CD99L2: variants seen among roughly 807,000 people sequenced by gnomAD.
CD99L2 encodes the protein CD99 molecule like 2.
A neutral mutation model predicts 27.3 loss-of-function variants in CD99L2; 24 were observed. The observed-to-expected ratio is 0.88, with a 90% CI of 0.64 to 1.24. CD99L2 has a LOEUF of 1.24. Among genes scored for constraint, CD99L2 ranks in the 50% most tolerant of loss-of-function variants. The pLI is 0.00. For synonymous variants in CD99L2, 97 were observed against 87.9 expected, an observed-to-expected ratio of 1.10 and a Z score of -0.58; for missense variants, 255 against 221.6, an observed-to-expected ratio of 1.15 and a Z score of -0.96.
At chrX:150,824,457 AAAGAAGAAAGAAG>A (rs1262422431) in intron 2 of CD99L2, among the ~76,000 whole-genome samples, 10 of 96,052 alleles carry the variant, frequency 1.0e-4, no homozygotes, top group Non-Finnish European at 1.4e-4. Context: ...GAAGAAGAAG[AAAGAAGAAAGAAG>A]AAGAAGAAAG....
At chrX:150,889,508 G>A (rs112726156) in intron 1 of CD99L2, among the ~76,000 whole-genome samples, 1,245 of 111,155 alleles carry the variant, frequency 0.011, 28 homozygotes, top group African/African-American at 0.039. Flanking sequence ...AATGAGCCCC[G>A]GCTGTGCCTG....
At chrX:150,803,119 C>T (rs1180661732) in intron 4 of CD99L2, among the ~76,000 whole-genome samples, 1 of 108,987 alleles carries the variant, frequency 9.2e-6, no homozygotes, top group African/African-American at 3.3e-5. Context: ...TGGTCTCGAA[C>T]TCCTGACCTC....
intron 1 of CD99L2, among the ~76,000 whole-genome samples, chrX:150,873,251 T>C (rs1249546488): frequency 3.6e-5 from 4 of 112,087 alleles, no homozygotes; most frequent in Non-Finnish European, 7.5e-5. Context: ...GACGCATTGA[T>C]CCATGCTACA....
intron 4 of CD99L2, among the ~76,000 whole-genome samples, chrX:150,802,876 C>CGGCTAG (rs2045936631): frequency 1.2e-5 from 1 of 80,116 alleles, no homozygotes; most frequent in African/African-American, 4.9e-5. Flanking sequence ...CCACCGTGCC[C>CGGCTAG]AGCCTTTTTT....
At chrX:150,796,484 A>C (rs1557419913) in intron 4 of CD99L2, among the ~76,000 whole-genome samples, 4 of 112,650 alleles carry the variant, frequency 3.6e-5, no homozygotes, top group Non-Finnish European at 7.5e-5. Context: ...CTAACAATAG[A>C]GTGTCTAGAC....
chrX:150,806,146 GA>G (rs782387351), intron 4 of CD99L2, among the ~76,000 whole-genome samples: 1 of 112,466 alleles, frequency 8.9e-6, no homozygotes, highest in East Asian at 2.8e-4. Context: ...ACCACTGGGG[GA>G]AACTGGGTAT....
intron 10 of CD99L2, among the ~76,000 whole-genome samples, chrX:150,769,661 GTCCTA>G: frequency 9.3e-6 from 1 of 108,026 alleles, no homozygotes; most frequent in South Asian, 3.7e-4. Context: ...CGCCTGAGCT[GTCCTA>G]GTCTCCCTGC....
At chrX:150,792,876 T>A (rs373281322) in intron 7 of CD99L2, among the ~76,000 whole-genome samples, 18 of 112,429 alleles carry the variant, frequency 1.6e-4, no homozygotes, top group African/African-American at 5.8e-4. Flanking sequence ...TATACTATGA[T>A]AAAAGGTTGA....
At chrX:150,791,720 G>A (rs1277712750) in intron 7 of CD99L2, among the ~76,000 whole-genome samples, 4 of 110,798 alleles carry the variant, frequency 3.6e-5, no homozygotes, top group African/African-American at 6.6e-5. Context: ...TGCCCAGGCT[G>A]GGCAGGAAGG....
chrX:150,889,960 G>A (rs908904353), intron 1 of CD99L2, among the ~76,000 whole-genome samples: 2 of 108,457 alleles, frequency 1.8e-5, no homozygotes, highest in Non-Finnish European at 1.9e-5. Flanking sequence ...AGACCATCCT[G>A]GCTAACACGG....
In CD99L2 at chrX:150,769,017, G is replaced by A. The variant is rs782626475; in HGVS notation, c.*17C>T. ...AGCGGTGGCACCATTGTGCATGCCT[G>A]CAGCTGGACAGGGCCCTCAGATCCG... On this transcript the variant is annotated 3_prime_UTR_variant, in exon 11 of 11. Transcript: ENST00000370377. The A allele has an allele frequency of 8.8e-7, 1 of 1,142,418 alleles. No individual in the cohort carries two copies. The highest frequency in any genetic ancestry group is 3.3e-5 in the Admixed American group (1 of 29,892). The allele number at this position is 1,142,418 out of a possible 1,213,427, so 94.1% of individuals were successfully genotyped here. A position where few individuals can be genotyped will look rare whatever the true frequency, so the allele number is the denominator to read the frequency against.
chrX:150,897,431 C>A (rs868978665), intron 1 of CD99L2, among the ~76,000 whole-genome samples: 26 of 112,354 alleles, frequency 2.3e-4, no homozygotes, highest in Middle Eastern at 4.6e-3. Context: ...AACATTTCTG[C>A]ATCTTTTGCA....
At chrX:150,839,024 C>A (rs2046581877) in intron 1 of CD99L2, among the ~76,000 whole-genome samples, 1 of 103,725 alleles carries the variant, frequency 9.6e-6, no homozygotes, top group Admixed American at 1.1e-4. Context: ...AACAAAATGG[C>A]AAAAAAATGT....
intron 2 of CD99L2, among the ~76,000 whole-genome samples, chrX:150,821,708 T>C (rs1448316394): frequency 1.8e-5 from 2 of 111,953 alleles, no homozygotes; most frequent in Non-Finnish European, 3.8e-5. Flanking sequence ...ATCAAGAAAG[T>C]GAAAAGACAA....
At chrX:150,793,475 A>G (rs2045729759) in intron 7 of CD99L2, among the ~76,000 whole-genome samples, 1 of 112,319 alleles carries the variant, frequency 8.9e-6, no homozygotes, top group African/African-American at 3.2e-5. Flanking sequence ...ACTGCTGCTT[A>G]AGGAACATCA....
chrX:150,845,095 A>T (rs782386980), intron 1 of CD99L2, among the ~76,000 whole-genome samples: 1 of 112,094 alleles, frequency 8.9e-6, no homozygotes, highest in Non-Finnish European at 1.9e-5. Flanking sequence ...TGAAAGGCCA[A>T]TTTCAATCTT....
intron 1 of CD99L2, among the ~76,000 whole-genome samples, chrX:150,840,606 C>G (rs900642718): frequency 7.2e-5 from 8 of 111,711 alleles, no homozygotes; most frequent in Admixed American, 2.8e-4. Context: ...TGGGGTCTCA[C>G]TATGTTGCCC....
At chrX:150,787,153 C>T in intron 7 of CD99L2, among the ~76,000 whole-genome samples, 1 of 112,107 alleles carries the variant, frequency 8.9e-6, no homozygotes, top group South Asian at 3.6e-4. Flanking sequence ...TATTTTCTCA[C>T]ATTCTATAGG....
chrX:150,885,439 C>A (rs919631902), intron 1 of CD99L2, among the ~76,000 whole-genome samples: 5 of 111,889 alleles, frequency 4.5e-5, no homozygotes, highest in African/African-American at 1.6e-4. Flanking sequence ...TTTTCTATAT[C>A]TGTTATATTT....
Sources: gnomAD v4.1 joint callset for allele counts (sites outside exome capture counted in the v4.1 genomes callset) on GRCh38, gnomAD v4.1.1 for gene constraint, MANE v1.5 for transcripts, NCBI Gene and HGNC (gene_info 2026-07-23, HGNC 2026-07-21) for gene names.